Variants in LOXL3 observed in about 807,000 individuals in gnomAD.
The protein encoded by LOXL3 is lysyl oxidase like 3, also known as lysyl oxidase homolog 3.
A neutral mutation model predicts 91.8 loss-of-function variants in LOXL3; 60 were observed. The observed-to-expected ratio is 0.65, with a 90% CI of 0.53 to 0.81. The LOEUF is 0.81. Ranked by LOEUF, LOXL3 falls within the 30% of genes least tolerant of loss-of-function variation. LOXL3 has a pLI of 0.00. For missense variants in LOXL3, 874 were observed against 1,000.4 expected, an observed-to-expected ratio of 0.87 and a Z score of 1.70; for synonymous variants, 355 against 387.6, an observed-to-expected ratio of 0.92 and a Z score of 0.99.
chr2:74,554,639 A>C (rs1558634553), upstream of LOXL3: 5 of 982,254 alleles, frequency 5.1e-6, no homozygotes, highest in Non-Finnish European at 7.6e-6. The surrounding 1 kb of genome is among the most constrained non-coding windows in gnomAD (Gnocchi z 4.9). Flanking sequence ...CGACCCCCCC[A>C]GCGGCTGCCG....
Position 74,534,772 on chromosome 2 carries a change from C to T in LOXL3, c.1582G>A (p.Ala528Thr), listed in dbSNP as rs763719633. The T allele has an allele frequency of 1.9e-6, 3 of 1,609,594 alleles. No homozygotes were observed. In the East Asian group the frequency reaches 6.7e-5, roughly 36 times the overall value. Residue 528 changes from alanine (A) to threonine (T), a missense_variant and splice_region_variant, in exon 10 of 14, where the codon GCA (alanine) becomes ACA (threonine). By Grantham distance (58) the Ala-to-Thr change is moderately conservative. Coordinates refer to ENST00000264094, the MANE Select transcript of LOXL3 (RefSeq NM_032603.5). ...FTAGVICSET[A>T]SDLLLHSALV... ...GCTGAGTGCAGCAACAGATCTGATG[C>T]AGCTGCACCAAGAAAGGAAGGGGGT...
In LOXL3 at chr2:74,534,338, G is replaced by A. The variant is rs769903746; in HGVS notation, c.1917C>T (p.Leu639=). The change falls in exon 11 of 14, where the codon CTC becomes CTT. Residue 639 remains leucine (L), a synonymous_variant. Transcript: ENST00000264094. ...VAEGHKASFC[L]EDTECQEDVS... Reference sequence around the variant, plus strand: ...CACCCTCCTGACACTCAGTGTCTTCGAGACAGAAACTAGCTTTGTGGCCCT... The same window carrying A: ...CACCCTCCTGACACTCAGTGTCTTCAAGACAGAAACTAGCTTTGTGGCCCT... 14 of 1,614,108 alleles carry A rather than the reference G, an allele frequency of 8.7e-6. No homozygotes were observed. The highest frequency in any genetic ancestry group is 1.2e-5 in the Non-Finnish European group (14 of 1,180,036).
rs758344539 is a variant in LOXL3 at position 74,536,193 on chromosome 2, A to G, written c.1094-43T>C. ...AGATCAGGAAGTTGTAATTAAGCAT[A>G]TATTGTCTGCCCAGGGGACACCTAA... On this transcript the variant is annotated intron_variant, in intron 6 of 13. Coordinates refer to ENST00000264094, the MANE Select transcript of LOXL3 (RefSeq NM_032603.5). The surrounding 1 kb of genome is among the most constrained non-coding windows in gnomAD (Gnocchi z 4.5). 2.5e-6 allele frequency: 4 copies of G among 1,612,004 alleles called. No homozygotes were observed. The highest frequency in any genetic ancestry group is 3.4e-6 in the Non-Finnish European group (4 of 1,179,950).
chr2:74,547,420 A>T (rs1401969114), intron 4 of LOXL3, among the ~76,000 whole-genome samples: 1 of 152,220 alleles, frequency 6.6e-6, no homozygotes, highest in Non-Finnish European at 1.5e-5. Flanking sequence ...AAATGTCTAA[A>T]TTCTACGCAT....
Position 74,536,495 on chromosome 2 carries a change from CAG to C in LOXL3, c.913-26_913-25del. 1 of 1,602,252 alleles carries C rather than the reference CAG, an allele frequency of 6.2e-7. No individual in the cohort carries two copies. The highest frequency in any genetic ancestry group is 8.5e-7 in the Non-Finnish European group (1 of 1,173,610). ...GCCTATAGAAGAGAGAAGTGCCCAA[CAG>C]AGGCAAATGGCAACATCTGCACGGA... On this transcript the variant is annotated intron_variant, in intron 5 of 13. Coordinates refer to ENST00000264094, the MANE Select transcript of LOXL3 (RefSeq NM_032603.5). The surrounding 1 kb of genome is among the most constrained non-coding windows in gnomAD (Gnocchi z 4.5).
intron 4 of LOXL3, among the ~76,000 whole-genome samples, chr2:74,546,122 T>C (rs925504921): frequency 6.6e-6 from 1 of 152,180 alleles, no homozygotes; most frequent in Admixed American, 6.5e-5. Context: ...GCAAGTCCTA[T>C]AGCTCTGCCT....
chr2:74,549,228 T>G lies in LOXL3; in HGVS notation c.692+141A>C. ...ACAAGATTTCCCAACTCTCCAGCTT[T>G]GCAACGGCCTCCATATTTTCCCGCG... On this transcript the variant is annotated intron_variant, in intron 4 of 13. Transcript: ENST00000264094. The surrounding 1 kb of genome is among the most constrained non-coding windows in gnomAD (Gnocchi z 5.3). 1.1e-6 allele frequency: 1 copy of G among 935,744 alleles called. No individual in the cohort carries two copies. 58.0% of individuals were successfully genotyped at this position (935,744 alleles called of 1,614,324 possible). A position where few individuals can be genotyped will look rare whatever the true frequency, so the allele number is the denominator to read the frequency against.
chr2:74,532,622 C>A lies in LOXL3; in HGVS notation c.*984G>T. On this transcript the variant is annotated 3_prime_UTR_variant, in exon 14 of 14. Transcript: ENST00000264094. ...AGGGTGATCTGTGTACTTTCAGCATCCTTGCTGAACTACAGCTTCGAGAAC... is the reference window on the plus strand; with the variant it reads ...AGGGTGATCTGTGTACTTTCAGCATACTTGCTGAACTACAGCTTCGAGAAC... 1 of 1,612,796 alleles carries A rather than the reference C, an allele frequency of 6.2e-7. No homozygotes were observed. The highest frequency in any genetic ancestry group is 1.1e-5 in the South Asian group (1 of 90,948).
rs370340732 is a variant in LOXL3, at chr2:74,552,385, G to A, written c.250C>T (p.Arg84Trp). 6 of 1,612,882 alleles carry A rather than the reference G, an allele frequency of 3.7e-6. No individual in the cohort carries two copies. The highest frequency in any genetic ancestry group is 1.1e-5 in the South Asian group (1 of 91,082). ...GTGGCCTCTGTGAAGCCCAGCTCCCGGCAGAGGATGTGGGCAGCCTGCAGC... is the reference window on the plus strand; with the variant it reads ...GTGGCCTCTGTGAAGCCCAGCTCCCAGCAGAGGATGTGGGCAGCCTGCAGC... Reference protein sequence around the residue: ...FTLQAAHILCRELGFTEATGW... With the variant: ...FTLQAAHILCWELGFTEATGW... The change falls in exon 2 of 14, where the codon CGG becomes TGG. Residue 84 changes from arginine (R) to tryptophan (W), a missense_variant. Arg to Trp is a moderately radical substitution (Grantham distance 101). Coordinates refer to ENST00000264094, the MANE Select transcript of LOXL3 (RefSeq NM_032603.5).
intron 1 of LOXL3, 171 bp from the exon 2 acceptor site, chr2:74,552,817 C>T: frequency 1.6e-6 from 1 of 617,112 alleles, no homozygotes; most frequent in Non-Finnish European, 2.8e-6. Context: ...GAGAGAAACA[C>T]ATTAAATAAG....
chr2:74,553,557 C>G (rs563018037), intron 1 of LOXL3, among the ~76,000 whole-genome samples: 1 of 152,220 alleles, frequency 6.6e-6, no homozygotes. Context: ...AGCAAGCCCC[C>G]GTCAACATGC....
At chr2:74,546,160 T>C (rs1308270825) in intron 4 of LOXL3, among the ~76,000 whole-genome samples, 1 of 152,200 alleles carries the variant, frequency 6.6e-6, no homozygotes. Context: ...TTGATCATTT[T>C]TCACCACTTT....
At chr2:74,537,487 G>T (rs1360780838) in intron 4 of LOXL3, among the ~76,000 whole-genome samples, 1 of 152,248 alleles carries the variant, frequency 6.6e-6, no homozygotes. Flanking sequence ...GATGCAGCAA[G>T]AACAGACCAG....
chr2:74,534,940 G>T (rs1370837189), intron 9 of LOXL3, among the ~76,000 whole-genome samples, 166 bp from the exon 10 acceptor site: 1 of 152,140 alleles, frequency 6.6e-6, no homozygotes, highest in Non-Finnish European at 1.5e-5. Context: ...ATGCAGCGGC[G>T]TGATCTTGGC....
At chr2:74,540,229 C>T (rs778521272) in intron 4 of LOXL3, among the ~76,000 whole-genome samples, 6 of 152,246 alleles carry the variant, frequency 3.9e-5, no homozygotes, top group South Asian at 2.1e-4. Context: ...GGACTCAGGA[C>T]GGTGCCCCCA....
At chr2:74,541,079 C>T (rs1676300408) in intron 4 of LOXL3, among the ~76,000 whole-genome samples, 1 of 152,214 alleles carries the variant, frequency 6.6e-6, no homozygotes, top group Non-Finnish European at 1.5e-5. Flanking sequence ...TAGATTCAAC[C>T]TCCATCTGTA....
chr2:74,553,717 C>T (rs1358623405), intron 1 of LOXL3, among the ~76,000 whole-genome samples, 159 bp downstream of exon 1: 1 of 152,190 alleles, frequency 6.6e-6, no homozygotes, highest in African/African-American at 2.4e-5. Flanking sequence ...GTATGTGCCT[C>T]CTCCGTGTAC....
At position 74,534,613 on chromosome 2, in the gene LOXL3, A is replaced by T. The variant is rs1675880762; in HGVS notation, c.1741T>A (p.Ser581Thr). 1 of 1,614,054 alleles carries T rather than the reference A, an allele frequency of 6.2e-7. No individual in the cohort carries two copies. Among genetic ancestry groups the T allele is most frequent in the Admixed American group, 1.7e-5 (1 of 60,002 alleles). ...CGTCCCAGGTTGTGGATCTGGGAGG[A>T]GAATCGGAGCAGACGCCGGTGACCA... is the stretch of plus-strand genomic sequence containing the variant. ...PYGHRRLLRFSSQIHNLGRAD... is the reference protein window; with the variant it reads ...PYGHRRLLRFTSQIHNLGRAD... The change falls in exon 10 of 14, where the codon TCC becomes ACC. Residue 581 changes from serine (S) to threonine (T), a missense_variant. Coordinates refer to ENST00000264094, the MANE Select transcript of LOXL3 (RefSeq NM_032603.5).
In LOXL3 at chr2:74,535,851, A is replaced by T. The variant is rs1477253425; in HGVS notation, c.1249-96T>A. The T allele has an allele frequency of 6.7e-7, 1 of 1,485,898 alleles. No homozygotes were observed. The highest frequency in any genetic ancestry group is 1.4e-5 in the African/African-American group (1 of 71,176). 92.0% of individuals were successfully genotyped at this position (1,485,898 alleles called of 1,614,324 possible). A position where few individuals can be genotyped will look rare whatever the true frequency, so the allele number is the denominator to read the frequency against. On this transcript the variant is annotated intron_variant, in intron 7 of 13. Transcript: ENST00000264094. This position sits in a 1 kb window ranked among gnomAD's most constrained non-coding sequence, Gnocchi z 4.2. The stretch of plus-strand genomic sequence containing the variant: ...GGCTGAAGCGTGACTCAGGCACATA[A>T]TGGGCTAGCAAGTGATGGGTCAGGT...
Sources: gnomAD v4.1 joint callset for allele counts (sites outside exome capture counted in the v4.1 genomes callset) on GRCh38, gnomAD v4.1.1 for gene constraint, Gnocchi (gnomAD v3.1) non-coding constraint, MANE v1.5 for transcripts, NCBI Gene and HGNC (gene_info 2026-07-23, HGNC 2026-07-21) for gene names.